IL13RA1: variants seen among roughly 807,000 people sequenced by gnomAD.
The protein encoded by IL13RA1 is interleukin-13 receptor subunit alpha-1.
Under a neutral mutation model 33.8 loss-of-function variants are expected in IL13RA1, and 14 were observed. The ratio of observed to expected loss-of-function variants is 0.41; its 90% confidence interval spans 0.27 to 0.65. The LOEUF is 0.65. IL13RA1 is among the 30% of genes least tolerant of loss of function. The probability of loss-of-function intolerance (pLI) is 0.28; values close to 1 mark genes in which losing one functional copy is unlikely to be tolerated. For missense variants in IL13RA1, 313 were observed against 327.0 expected (o/e 0.96, Z 0.33); for synonymous variants, 116 against 115.7 (o/e 1.00, Z -0.02).
At chrX:118,742,546 G>A (rs1379482650) in intron 2 of IL13RA1, among the ~76,000 whole-genome samples, 4 of 112,336 alleles carry the variant, frequency 3.6e-5, no homozygotes, top group Non-Finnish European at 7.5e-5. Context: ...AGGTAGCCAG[G>A]CTGGTGTTCT....
Position 118,793,169 on chromosome X carries a change from C to T in IL13RA1, c.*1315C>T, listed in dbSNP as rs1309863619. ...TAGGATGTAAATCTGCTCAGGAGAC[C>T]TGGAGGAGCAGAGGATAATTAGCAT... On this transcript the variant is annotated 3_prime_UTR_variant, in exon 11 of 11. Transcript: ENST00000371666. 1.8e-5 allele frequency: 2 copies of T among 111,900 alleles called. No homozygotes were observed. The highest frequency in any genetic ancestry group is 3.8e-5 in the Non-Finnish European group (2 of 53,151). 9.2% of individuals were successfully genotyped at this position (111,900 alleles called of 1,213,427 possible). A position where few individuals can be genotyped will look rare whatever the true frequency, so the allele number is the denominator to read the frequency against.
intron 10 of IL13RA1, among the ~76,000 whole-genome samples, chrX:118,788,947 A>G (rs188074118): frequency 2.7e-5 from 3 of 112,183 alleles, no homozygotes; most frequent in East Asian, 5.6e-4. Flanking sequence ...TTCAAAGGAA[A>G]TGTTCATTGC....
intron 8 of IL13RA1, among the ~76,000 whole-genome samples, chrX:118,772,763 T>G (rs887532605): frequency 5.7e-5 from 6 of 106,044 alleles, no homozygotes; most frequent in Non-Finnish European, 8.0e-5. Context: ...GATCTTGAAG[T>G]TTTTTTTTTA....
At chrX:118,789,150 T>C (rs765712799) in intron 10 of IL13RA1, among the ~76,000 whole-genome samples, 10 of 112,550 alleles carry the variant, frequency 8.9e-5, no homozygotes, top group Middle Eastern at 4.6e-3. Context: ...AAATAAGTTA[T>C]GGTGCATTCA....
rs34048610 is a variant in IL13RA1, at chrX:118,748,361, G to GAA, written c.368-1279_368-1278dup. 4.1e-3 allele frequency among the ~76,000 whole-genome samples: 209 copies of GAA among 50,969 alleles called. 1 individual carries two copies. Among genetic ancestry groups the GAA allele is most frequent in the African/African-American group, 0.014 (194 of 13,581 alleles). 44.3% of individuals were successfully genotyped at this position (50,969 alleles called of 115,157 possible). A position where few individuals can be genotyped will look rare whatever the true frequency, so the allele number is the denominator to read the frequency against. ...TATTCTCCTTTCCTTAGGAGTTAAC[G>GAA]AAAAAAAAAAAAAAAAAAACGGCTA... On this transcript the variant is annotated intron_variant, in intron 3 of 10. Coordinates refer to ENST00000371666, the MANE Select transcript of IL13RA1 (RefSeq NM_001560.3).
chrX:118,770,721 G>T, intron 8 of IL13RA1: 1 of 367,362 alleles, frequency 2.7e-6, no homozygotes, highest in South Asian at 2.6e-5. Flanking sequence ...GCATCTTGTG[G>T]ATGGGTGGCA....
At chrX:118,766,161 GT>G (rs1053164415) in intron 6 of IL13RA1, among the ~76,000 whole-genome samples, 2 of 111,525 alleles carry the variant, frequency 1.8e-5, no homozygotes, top group Non-Finnish European at 3.8e-5. Context: ...AATATGGGAG[GT>G]TTTTTTGGTC....
intron 2 of IL13RA1, among the ~76,000 whole-genome samples, chrX:118,744,674 G>T (rs1443275161): frequency 8.9e-6 from 1 of 111,819 alleles, no homozygotes; most frequent in Non-Finnish European, 1.9e-5. Context: ...GCCTCCCAAA[G>T]TGCTGGGATT....
downstream of IL13RA1, among the ~76,000 whole-genome samples, chrX:118,794,777 C>A (rs983893016): frequency 1.8e-5 from 2 of 111,350 alleles, no homozygotes; most frequent in African/African-American, 3.3e-5. Flanking sequence ...CTTAAGTATT[C>A]AATAAATTGT....
chrX:118,755,997 C>G (rs2017526274), intron 4 of IL13RA1, among the ~76,000 whole-genome samples: 2 of 110,819 alleles, frequency 1.8e-5, no homozygotes, highest in Non-Finnish European at 3.8e-5. Context: ...GGAATAAATA[C>G]ATTAGCTCTG....
At chrX:118,770,556 G>T in intron 8 of IL13RA1, 1 of 527,505 alleles carries the variant, frequency 1.9e-6, no homozygotes, top group Non-Finnish European at 3.3e-6. Context: ...GCATGGCAGC[G>T]CTGCCCACGT....
the IL13RA1 span, among the ~76,000 whole-genome samples, chrX:118,804,193 G>C: frequency 9.1e-6 from 1 of 109,984 alleles, no homozygotes; most frequent in African/African-American, 3.3e-5. Context: ...CTGACCTCAA[G>C]TGATCCACTT....
chrX:118,739,437 A>G (rs2017319103), intron 1 of IL13RA1, among the ~76,000 whole-genome samples: 1 of 112,123 alleles, frequency 8.9e-6, no homozygotes, highest in Non-Finnish European at 1.9e-5. Context: ...GTGCACTCCA[A>G]AGTATTAGCA....
intron 2 of IL13RA1, among the ~76,000 whole-genome samples, chrX:118,742,333 G>A (rs938175947): frequency 1.8e-5 from 2 of 112,051 alleles, no homozygotes; most frequent in African/African-American, 3.2e-5. Context: ...ACATACTGTC[G>A]GCTTCCTCTT....
chrX:118,779,392 G>T (rs1381500297), intron 10 of IL13RA1, among the ~76,000 whole-genome samples: 1 of 111,576 alleles, frequency 9.0e-6, no homozygotes, highest in Non-Finnish European at 1.9e-5. Flanking sequence ...AAATATGTTA[G>T]GTTTTCAAAG....
chrX:118,743,699 T>C (rs1417627256), intron 2 of IL13RA1, among the ~76,000 whole-genome samples: 1 of 111,599 alleles, frequency 9.0e-6, no homozygotes, highest in Non-Finnish European at 1.9e-5. Context: ...TCTGGGGAGA[T>C]CAGTTCAGGA....
chrX:118,747,121 GT>G (rs2017414374), intron 3 of IL13RA1, 29 bp downstream of exon 3: 3 of 992,543 alleles, frequency 3.0e-6, no homozygotes, highest in Non-Finnish European at 2.8e-6. Context: ...ATCTCTTGGT[GT>G]TTAGAGAATA....
Position 118,761,016 on chromosome X carries a change from T to C in IL13RA1, c.677-122T>C, listed in dbSNP as rs2017584804. The C allele has an allele frequency of 7.5e-6, 3 of 399,207 alleles. No individual in the cohort carries two copies. In the Admixed American group the frequency reaches 1.3e-4, roughly 17 times the overall value. The allele number at this position is 399,207 out of a possible 1,213,427, so 32.9% of individuals were successfully genotyped here. On this transcript the variant is annotated intron_variant, in intron 5 of 10. Coordinates refer to ENST00000371666, the MANE Select transcript of IL13RA1 (RefSeq NM_001560.3). ...CACAGATGCTATTTTTTAAAAAATA[T>C]TTTCAGTTCATGGTTGGTTGAATTC...
intron 8 of IL13RA1, chrX:118,770,129 C>T: frequency 3.7e-6 from 1 of 269,274 alleles, no homozygotes; most frequent in Non-Finnish European, 7.1e-6. Flanking sequence ...CTACTACGTG[C>T]TGACCAACTT....
Sources: gnomAD v4.1 joint callset for allele counts (sites outside exome capture counted in the v4.1 genomes callset) on GRCh38, gnomAD v4.1.1 for gene constraint, MANE v1.5 for transcripts, NCBI Gene and HGNC (gene_info 2026-07-23, HGNC 2026-07-21) for gene names.